PRUNE2: variants seen among roughly 807,000 people sequenced by gnomAD.
PRUNE2 encodes prune homolog 2 with BCH domain.
In PRUNE2, 164 loss-of-function variants were observed where a neutral mutation model predicts 252.0. The observed-to-expected ratio is 0.65, with a 90% confidence interval of 0.57 to 0.74. The LOEUF (loss-of-function observed/expected upper bound fraction) is 0.74, where lower values mean the gene tolerates loss of function less well. PRUNE2 is among the 30% of genes least tolerant of loss of function. PRUNE2 has a pLI of 0.00. For synonymous variants in PRUNE2, 1,292 were observed against 1,350.2 expected (o/e 0.96, Z 0.94); for missense variants, 3,495 against 3,711.0 (o/e 0.94, Z 1.51).
At chr9:76,643,932 T>C (rs1346567187) in intron 12 of PRUNE2, among the ~76,000 whole-genome samples, 1 of 152,084 alleles carries the variant, frequency 6.6e-6, no homozygotes, top group Non-Finnish European at 1.5e-5. Context: ...AACAACTGCC[T>C]TGTCAGCTCA....
intron 6 of PRUNE2, among the ~76,000 whole-genome samples, chr9:76,818,507 C>T (rs1233478005): frequency 1.3e-5 from 2 of 152,080 alleles, no homozygotes; most frequent in East Asian, 3.8e-4. Flanking sequence ...AATGAGTCAG[C>T]GGCCTCTGAG....
At chr9:76,783,053 G>A (rs2131252796) in intron 6 of PRUNE2, among the ~76,000 whole-genome samples, 2 of 152,276 alleles carry the variant, frequency 1.3e-5, no homozygotes, top group South Asian at 4.2e-4. Flanking sequence ...CCACATAGTA[G>A]GTATTGTGGT....
At chr9:76,824,809 C>T (rs138621857) in intron 5 of PRUNE2, among the ~76,000 whole-genome samples, 124 of 152,280 alleles carry the variant, frequency 8.1e-4, no homozygotes, top group African/African-American at 2.9e-3. Flanking sequence ...AACAGACAGG[C>T]ACTAAATATT....
chr9:76,826,731 A>T lies in PRUNE2; in HGVS notation c.510T>A (p.Gly170=), dbSNP rs958307601. The part of the protein sequence containing the change: ...ITEQLAHRLR[G]SILFKWMTME... ...TGGTCATCCACTTGAAAAGAATGCT[A>T]CCTGAAAGGTATGAATAAAAATGCT... is the stretch of plus-strand genomic sequence containing the variant. The change falls in exon 5 of 19, where the codon GGT becomes GGA. Residue 170 remains glycine, a splice_region_variant and synonymous_variant. Transcript: ENST00000376718. The T allele has an allele frequency of 6.3e-7, 1 of 1,599,044 alleles. No individual in the cohort carries two copies. The highest frequency in any genetic ancestry group is 8.5e-7 in the Non-Finnish European group (1 of 1,171,414).
rs2049252255 is a variant in PRUNE2, at chr9:76,738,210, T to C, written c.757-24489A>G. 3.3e-5 allele frequency: 5 copies of C among 152,192 alleles called. No homozygotes were observed. In the South Asian group the frequency reaches 1.0e-3, roughly 31 times the overall value. 9.4% of individuals were successfully genotyped at this position (152,192 alleles called of 1,614,324 possible). On this transcript the variant is annotated intron_variant, in intron 6 of 18. Coordinates refer to ENST00000376718, the MANE Select transcript of PRUNE2 (RefSeq NM_015225.3). ...TAAGGAGAATCACTGTGAGGGGATA[T>C]TTAAGGCGTAAACATTAGCGAGCAA...
chr9:76,804,432 C>G (rs2056790434), intron 6 of PRUNE2, among the ~76,000 whole-genome samples: 1 of 152,198 alleles, frequency 6.6e-6, no homozygotes, highest in Non-Finnish European at 1.5e-5. Flanking sequence ...AAGCAGTGTA[C>G]TGAGATTTCA....
chr9:76,672,014 C>A (rs1304011462), intron 9 of PRUNE2, among the ~76,000 whole-genome samples: 1 of 150,292 alleles, frequency 6.7e-6, no homozygotes, highest in Non-Finnish European at 1.5e-5. Flanking sequence ...AAATAACCAG[C>A]TAACATCATA....
intron 3 of PRUNE2, among the ~76,000 whole-genome samples, chr9:76,847,783 A>C (rs1285189186): frequency 6.6e-6 from 1 of 152,240 alleles, no homozygotes; most frequent in Non-Finnish European, 1.5e-5. Flanking sequence ...TATTTTTGAA[A>C]AGCATTCTAT....
intron 6 of PRUNE2, among the ~76,000 whole-genome samples, chr9:76,781,028 A>G (rs1324726157): frequency 2.0e-5 from 3 of 152,232 alleles, no homozygotes; most frequent in African/African-American, 7.2e-5. Context: ...CAGTCCATCA[A>G]CACATCCTAT....
At chr9:76,678,531 T>C (rs550238223) in intron 9 of PRUNE2, among the ~76,000 whole-genome samples, 21 of 152,238 alleles carry the variant, frequency 1.4e-4, no homozygotes, top group Non-Finnish European at 2.8e-4. Flanking sequence ...TTCTTGGGCA[T>C]TATAAAGACC....
rs781291777 is a variant in PRUNE2, at chr9:76,854,185, C to A, written c.60G>T (p.Lys20Asn). The change falls in exon 2 of 19, where the codon AAG becomes AAT. Residue 20 changes from lysine (K) to asparagine (N), a missense_variant. Physicochemically the swap from Lys to Asn is moderately conservative, Grantham distance 94 (BLOSUM62 0). Transcript: ENST00000376718. ...SKLNRSKRLE[K>N]VHVVIGPKSC... ...ATTTAGGCCCAATAACCACATGGACCTTCTCCAAGCGTTTGCTTCGATTCT... is the reference window on the plus strand; with the variant it reads ...ATTTAGGCCCAATAACCACATGGACATTCTCCAAGCGTTTGCTTCGATTCT... 1 of 1,596,894 alleles carries A rather than the reference C, an allele frequency of 6.3e-7. No homozygotes were observed.
chr9:76,825,980 A>G (rs2058322171), intron 5 of PRUNE2, among the ~76,000 whole-genome samples: 2 of 152,240 alleles, frequency 1.3e-5, no homozygotes, highest in African/African-American at 4.8e-5. Flanking sequence ...TTCTCAAAAT[A>G]GAATCCTATC....
chr9:76,680,763 G>T (rs768099531), intron 9 of PRUNE2, among the ~76,000 whole-genome samples: 19 of 152,154 alleles, frequency 1.2e-4, no homozygotes, highest in Non-Finnish European at 1.3e-4. Flanking sequence ...CTGCATGGCT[G>T]GGGAGGCCTC....
intron 6 of PRUNE2, among the ~76,000 whole-genome samples, chr9:76,777,608 A>G (rs753239353): frequency 1.3e-5 from 2 of 152,250 alleles, no homozygotes; most frequent in Non-Finnish European, 2.9e-5. Flanking sequence ...AGTATTAAAT[A>G]AAACAGACAA....
intron 4 of PRUNE2, 77 bp downstream of exon 4, chr9:76,846,438 G>A (rs567083441): frequency 1.3e-5 from 16 of 1,249,210 alleles, no homozygotes; most frequent in African/African-American, 8.9e-5. Context: ...AGAATGGATC[G>A]CATTCTTTCT....
chr9:76,652,811 TACTC>T (rs553552258), intron 10 of PRUNE2, 128 bp from the exon 11 acceptor site: 11 of 646,694 alleles, frequency 1.7e-5, no homozygotes, highest in African/African-American at 3.6e-5. Flanking sequence ...GTCAAGGAAA[TACTC>T]ACTGGAGCAT....
chr9:76,636,018 A>G (rs1020732554), intron 15 of PRUNE2, among the ~76,000 whole-genome samples: 2 of 152,244 alleles, frequency 1.3e-5, no homozygotes, highest in Non-Finnish European at 1.5e-5. Context: ...TAACTTTGGT[A>G]GTTATATAAA....
At chr9:76,838,963 A>G (rs1772647157) in intron 4 of PRUNE2, among the ~76,000 whole-genome samples, 1 of 152,206 alleles carries the variant, frequency 6.6e-6, no homozygotes, top group Non-Finnish European at 1.5e-5. Flanking sequence ...GGGCTAAAAT[A>G]CATTTATTTA....
chr9:76,625,092 A>C (rs1181390565), intron 16 of PRUNE2: 1 of 1,277,844 alleles, frequency 7.8e-7, no homozygotes, highest in African/African-American at 1.5e-5. Context: ...CATAAGGAAA[A>C]TGAGCAAACA....
Sources: gnomAD v4.1 joint callset for allele counts (sites outside exome capture counted in the v4.1 genomes callset) on GRCh38, gnomAD v4.1.1 for gene constraint, MANE v1.5 for transcripts, NCBI Gene and HGNC (gene_info 2026-07-23, HGNC 2026-07-21) for gene names.